The following GALR1 variants were observed in gnomAD, a reference collection of about 807,000 sequenced individuals.
GALR1 encodes galanin receptor 1, also known as galanin receptor type 1.
In GALR1, 11 loss-of-function variants were observed where a neutral mutation model predicts 17.9. The ratio of observed to expected loss-of-function variants is 0.62; its 90% CI spans 0.39 to 1.02. The LOEUF is 1.02. Among genes scored for constraint, GALR1 ranks in the 50% least tolerant of loss-of-function variants. GALR1 has a pLI of 0.01. For synonymous variants in GALR1, 206 were observed against 205.7 expected, an observed-to-expected ratio of 1.00 and a Z score of -0.01; for missense variants, 441 against 456.9, an observed-to-expected ratio of 0.97 and a Z score of 0.32.
intron 2 of GALR1, among the ~76,000 whole-genome samples, chr18:77,257,522 C>A (rs1282373189): frequency 6.6e-6 from 1 of 152,162 alleles, no homozygotes; most frequent in Non-Finnish European, 1.5e-5. Flanking sequence ...TAAGTTGGTG[C>A]TTTCCTCCTC....
At chr18:77,261,898 A>T (rs985325411) in intron 2 of GALR1, among the ~76,000 whole-genome samples, 1 of 152,114 alleles carries the variant, frequency 6.6e-6, no homozygotes, top group Non-Finnish European at 1.5e-5. Flanking sequence ...ATCATAGCTC[A>T]CTGCAGCCTC....
chr18:77,273,300 T>C lies in GALR1; in HGVS notation c.*4398T>C, dbSNP rs145549509. ...ATCCGATGATTCTCAGGTTTTGTTCTAGGTGCAGAAATAGTGGGAGAGGCC... is the reference window on the plus strand; with the variant it reads ...ATCCGATGATTCTCAGGTTTTGTTCCAGGTGCAGAAATAGTGGGAGAGGCC... On this transcript the variant is annotated 3_prime_UTR_variant, in exon 3 of 3. Transcript: ENST00000299727. 2 of 152,358 alleles carry C rather than the reference T, an allele frequency of 1.3e-5. No individual in the cohort carries two copies. Among genetic ancestry groups the C allele is most frequent in the East Asian group, 3.9e-4 (2 of 5,182 alleles). The allele number at this position is 152,358 out of a possible 1,614,324, so 9.4% of individuals were successfully genotyped here. A position where few individuals can be genotyped will look rare whatever the true frequency, so the allele number is the denominator to read the frequency against.
chr18:77,276,785 T>G lies in GALR1; in HGVS notation c.*7883T>G, dbSNP rs537913861. 6 of 152,360 alleles carry G rather than the reference T, an allele frequency of 3.9e-5. No homozygotes were observed. The South Asian group carries it at 1.2e-3, about 32-fold the overall frequency. 9.4% of individuals were successfully genotyped at this position (152,360 alleles called of 1,614,324 possible). ...AATTTAAATCATTCAGAATTTTTAT[T>G]GCTTACATTGATCAGATCCATAAAA... On this transcript the variant is annotated 3_prime_UTR_variant, in exon 3 of 3. Coordinates refer to ENST00000299727, the MANE Select transcript of GALR1 (RefSeq NM_001480.4).
intron 2 of GALR1, among the ~76,000 whole-genome samples, chr18:77,258,996 G>A (rs1377506750): frequency 9.2e-6 from 1 of 108,286 alleles, no homozygotes; most frequent in Non-Finnish European, 2.0e-5. Flanking sequence ...GGATGGTGGT[G>A]GTGGTCACAG....
rs1228668304 is a variant in GALR1 at position 77,268,985 on chromosome 18, G to A, written c.*83G>A. 3 of 995,842 alleles carry A rather than the reference G, an allele frequency of 3.0e-6. No homozygotes were observed. The Admixed American group carries it at 6.9e-5, about 23-fold the overall frequency. 61.7% of individuals were successfully genotyped at this position (995,842 alleles called of 1,614,324 possible). A position where few individuals can be genotyped will look rare whatever the true frequency, so the allele number is the denominator to read the frequency against. On this transcript the variant is annotated 3_prime_UTR_variant, in exon 3 of 3. Transcript: ENST00000299727. ...CAAACAGAATGAGCTAGTAAGCGAT[G>A]CTGCAACTTGTTATCTTAACAAGAA...
At chr18:77,257,690 C>A (rs1382194987) in intron 2 of GALR1, among the ~76,000 whole-genome samples, 1 of 152,190 alleles carries the variant, frequency 6.6e-6, no homozygotes, top group Non-Finnish European at 1.5e-5. Context: ...ATTTTTAGAG[C>A]ACCTGCTCTG....
rs1319290658 is a variant in GALR1, at chr18:77,250,222, C to T, written c.-327C>T. On this transcript the variant is annotated 5_prime_UTR_variant, in exon 1 of 3. Transcript: ENST00000299727. ...CCTGCGCGGCTGCAGCCGGCGGATC[C>T]CTCTTCCCAGGCTCCGTGGTCGCGC... 6.6e-6 allele frequency among the ~76,000 whole-genome samples: 1 copy of T among 152,144 alleles called. No individual in the cohort carries two copies. The highest frequency in any genetic ancestry group is 1.5e-5 in the Non-Finnish European group (1 of 68,016).
chr18:77,252,068 A>C (rs1371137094), intron 1 of GALR1, among the ~76,000 whole-genome samples: 2 of 152,184 alleles, frequency 1.3e-5, no homozygotes, highest in Non-Finnish European at 2.9e-5. Flanking sequence ...ACTGTAGCAG[A>C]GGCACCGTCC....
At chr18:77,258,845 G>GTGGTGA (rs1912700364) in intron 2 of GALR1, among the ~76,000 whole-genome samples, 1 of 5,140 alleles carries the variant, frequency 1.9e-4, no homozygotes, top group African/African-American at 5.7e-4. Context: ...GGTGGTGATG[G>GTGGTGA]TGGTGGTGAT....
chr18:77,267,351 A>G (rs1404645449), intron 2 of GALR1, among the ~76,000 whole-genome samples: 5 of 152,206 alleles, frequency 3.3e-5, no homozygotes, highest in Non-Finnish European at 7.3e-5. Flanking sequence ...CCTGGCTGCC[A>G]GCCCCACCTT....
In GALR1 at chr18:77,277,777, A is replaced by C. The variant is rs962157534; in HGVS notation, c.*8875A>C. The stretch of plus-strand genomic sequence containing the variant: ...AAGCCAAAAACTAAGAGTTTGTATT[A>C]ATCCAGTTAATGCCAAATCTAGTCA... On this transcript the variant is annotated 3_prime_UTR_variant, in exon 3 of 3. Coordinates refer to ENST00000299727, the MANE Select transcript of GALR1 (RefSeq NM_001480.4). The C allele has an allele frequency of 1.3e-5, 2 of 152,190 alleles. No homozygotes were observed. Among genetic ancestry groups the C allele is most frequent in the African/African-American group, 4.8e-5 (2 of 41,446 alleles). The allele number at this position is 152,190 out of a possible 1,614,324, so 9.4% of individuals were successfully genotyped here. A position where few individuals can be genotyped will look rare whatever the true frequency, so the allele number is the denominator to read the frequency against.
At position 77,251,620 on chromosome 18, in the gene GALR1, T is replaced by A. The variant is rs371672797; in HGVS notation, c.666+406T>A. ...CGGTTCCAGCAACTCTTCAACCAGA[T>A]CAGCTGCGCGGGGAGGTTACCGCCG... On this transcript the variant is annotated intron_variant, in intron 1 of 2. Transcript: ENST00000299727. 5.3e-5 allele frequency among the ~76,000 whole-genome samples: 8 copies of A among 152,258 alleles called. 1 individual carries two copies. In the East Asian group the frequency reaches 1.4e-3, roughly 26 times the overall value.
At chr18:77,252,951 CACCACCAT>C (rs1912486740) in intron 1 of GALR1, among the ~76,000 whole-genome samples, 11 of 72,408 alleles carry the variant, frequency 1.5e-4, no homozygotes, top group Non-Finnish European at 2.9e-4. Flanking sequence ...CCACCACCAT[CACCACCAT>C]CACCACCACC....
intron 2 of GALR1, among the ~76,000 whole-genome samples, chr18:77,258,904 G>T (rs1912709235): frequency 7.6e-6 from 1 of 131,616 alleles, no homozygotes; most frequent in Non-Finnish European, 1.6e-5. Flanking sequence ...TGATGGTGGT[G>T]GGCGGTAGTG....
chr18:77,275,775 C>G lies in GALR1; in HGVS notation c.*6873C>G, dbSNP rs946595677. On this transcript the variant is annotated 3_prime_UTR_variant, in exon 3 of 3. Transcript: ENST00000299727. Reference sequence around the variant, plus strand: ...GTGTTTTTTAAAACGGAAACCATGTCATTTTCCTTCTAGAGAGAATTTCCT... The same window carrying G: ...GTGTTTTTTAAAACGGAAACCATGTGATTTTCCTTCTAGAGAGAATTTCCT... 6.6e-6 allele frequency: 1 copy of G among 152,182 alleles called. No homozygotes were observed. The highest frequency in any genetic ancestry group is 1.5e-5 in the Non-Finnish European group (1 of 68,034). 9.4% of individuals were successfully genotyped at this position (152,182 alleles called of 1,614,324 possible). A position where few individuals can be genotyped will look rare whatever the true frequency, so the allele number is the denominator to read the frequency against.
chr18:77,253,025 T>TCAC (rs1912504507), intron 1 of GALR1, among the ~76,000 whole-genome samples: 2 of 40,552 alleles, frequency 4.9e-5, no homozygotes, highest in African/African-American at 9.2e-5. Context: ...ACCACCACCA[T>TCAC]CACCACCATC....
rs1253439324 is a variant in GALR1 at position 77,275,102 on chromosome 18, G to T, written c.*6200G>T. 1.3e-5 allele frequency: 2 copies of T among 152,224 alleles called. No individual in the cohort carries two copies. The highest frequency in any genetic ancestry group is 4.8e-5 in the African/African-American group (2 of 41,458). The allele number at this position is 152,224 out of a possible 1,614,324, so 9.4% of individuals were successfully genotyped here. On this transcript the variant is annotated 3_prime_UTR_variant, in exon 3 of 3. Transcript: ENST00000299727. ...ATGTGAGCAATTCCTCCATAGCATT[G>T]GTTGTAGAACAGGTCAGTTGGCATG...
intron 1 of GALR1, among the ~76,000 whole-genome samples, chr18:77,252,894 CAT>C (rs1912465170): frequency 9.1e-6 from 1 of 109,386 alleles, no homozygotes; most frequent in Non-Finnish European, 2.0e-5. Flanking sequence ...CCACCACCAC[CAT>C]CACCACCACC....
chr18:77,268,880 C>T lies in GALR1; in HGVS notation c.1028C>T (p.Ser343Leu). The change falls in exon 3 of 3, where the codon TCA (serine) becomes TTA (leucine). Residue 343 changes from serine to leucine, a missense_variant. Ser to Leu is a moderately radical substitution (Grantham distance 145). Coordinates refer to ENST00000299727, the MANE Select transcript of GALR1 (RefSeq NM_001480.4). Reference protein sequence around the residue: ...ESKSRIDTPPSTNCTHV With the variant: ...ESKSRIDTPPLTNCTHV ...AAAAGTCGAATAGACACCCCACCAT[C>T]AACCAATTGTACTCATGTGTGATAA... 1 of 1,612,122 alleles carries T rather than the reference C, an allele frequency of 6.2e-7. No homozygotes were observed. Among genetic ancestry groups the T allele is most frequent in the Non-Finnish European group, 8.5e-7 (1 of 1,178,318 alleles).
Sources: gnomAD v4.1 joint callset for allele counts (sites outside exome capture counted in the v4.1 genomes callset) on GRCh38, gnomAD v4.1.1 for gene constraint, MANE v1.5 for transcripts, NCBI Gene and HGNC (gene_info 2026-07-23, HGNC 2026-07-21) for gene names.